RYR3: variants seen among roughly 807,000 people sequenced by gnomAD.
RYR3 encodes the protein ryanodine receptor 3.
RYR3 carries 207 observed loss-of-function variants against 584.3 expected under a neutral mutation model. That is an observed-to-expected ratio of 0.35 (90% confidence interval 0.32 to 0.40). RYR3 has a LOEUF of 0.40. RYR3 is among the 10% of genes least tolerant of loss of function. The pLI is 1.00. For missense variants in RYR3, 5,616 were observed against 6,089.2 expected (o/e 0.92, Z 2.59); for synonymous variants, 2,416 against 2,248.5 (o/e 1.07, Z -2.11).
intron 1 of RYR3, among the ~76,000 whole-genome samples, chr15:33,418,036 T>C (rs1204259482): frequency 6.6e-6 from 1 of 152,206 alleles, no homozygotes; most frequent in African/African-American, 2.4e-5. Flanking sequence ...CACTTGATCA[T>C]GGTGAATTTT....
At chr15:33,366,044 G>A (rs191326164) in intron 1 of RYR3, among the ~76,000 whole-genome samples, 207 of 152,218 alleles carry the variant, frequency 1.4e-3, no homozygotes, top group South Asian at 0.013. Flanking sequence ...TAAACTGAAC[G>A]ATATGAGAAT....
intron 2 of RYR3, among the ~76,000 whole-genome samples, chr15:33,484,181 G>GA (rs149161240): frequency 3.7e-4 from 54 of 144,356 alleles, no homozygotes; most frequent in East Asian, 1.2e-3. Flanking sequence ...ATGAAGAAGA[G>GA]AAAAAAAAAA....
chr15:33,589,140 A>G (rs559782810), intron 16 of RYR3, among the ~76,000 whole-genome samples: 1 of 152,136 alleles, frequency 6.6e-6, no homozygotes, highest in Non-Finnish European at 1.5e-5. Context: ...AATCTTTTCA[A>G]TAATGGCCAT....
At chr15:33,359,593 C>CTTAT (rs34142769) in intron 1 of RYR3, among the ~76,000 whole-genome samples, 32,776 of 144,818 alleles carry the variant, frequency 0.23, 4,027 homozygotes, top group Middle Eastern at 0.27. Flanking sequence ...TCCCTGACCC[C>CTTAT]TTATTTATTT....
intron 1 of RYR3, among the ~76,000 whole-genome samples, chr15:33,416,518 G>A (rs1054664747): frequency 3.5e-4 from 53 of 151,914 alleles, no homozygotes; most frequent in African/African-American, 1.0e-3. Flanking sequence ...TCTGTCCTTC[G>A]CTTACTTTTT....
intron 51 of RYR3, among the ~76,000 whole-genome samples, chr15:33,741,391 C>T (rs1008854904): frequency 1.3e-5 from 2 of 152,206 alleles, no homozygotes; most frequent in Admixed American, 1.3e-4. Context: ...GCCCTAGTTT[C>T]ACCCAACTCA....
chr15:33,749,831 A>G, intron 55 of RYR3, 148 bp from the exon 56 acceptor site: 2 of 647,438 alleles, frequency 3.1e-6, no homozygotes, highest in African/African-American at 1.8e-5. Context: ...ATAAGCACAC[A>G]CTAATTAATG....
intron 44 of RYR3, among the ~76,000 whole-genome samples, chr15:33,723,628 A>T (rs1047890268): frequency 1.4e-4 from 22 of 152,272 alleles, no homozygotes; most frequent in African/African-American, 5.3e-4. Context: ...GACCCTACAC[A>T]TACGCTTTCG....
intron 1 of RYR3, among the ~76,000 whole-genome samples, chr15:33,338,059 C>A (rs1240267326): frequency 6.7e-6 from 1 of 149,990 alleles, no homozygotes; most frequent in Admixed American, 6.7e-5. Context: ...ATTCTCTTGC[C>A]TCAGCCTCCC....
chr15:33,770,697 T>G (rs62012648), intron 62 of RYR3, among the ~76,000 whole-genome samples: 1 of 151,806 alleles, frequency 6.6e-6, no homozygotes, highest in African/African-American at 2.4e-5. Context: ...GAGAGGTCAC[T>G]GCACTCCAGC....
intron 99 of RYR3, 69 bp from the exon 100 acceptor site, chr15:33,859,506 T>G (rs1312339774): frequency 6.4e-7 from 1 of 1,558,142 alleles, no homozygotes; most frequent in African/African-American, 1.4e-5. Flanking sequence ...ATCATATGAA[T>G]GATCTGAGCA....
chr15:33,846,427 C>A (rs564147649), intron 93 of RYR3, among the ~76,000 whole-genome samples: 5 of 152,294 alleles, frequency 3.3e-5, no homozygotes, highest in Admixed American at 2.6e-4. Context: ...TTCTGTCATT[C>A]AATTTTTGGT....
chr15:33,543,678 A>G lies in RYR3; in HGVS notation c.703A>G (p.Thr235Ala), dbSNP rs760619857. ...TTTCCATGGTCATGATGAATGTTTGACGATACCATCTACAGACCAGAATGA... is the reference window on the plus strand; with the variant it reads ...TTTCCATGGTCATGATGAATGTTTGGCGATACCATCTACAGACCAGAATGA... ...RLFHGHDECL[T>A]IPSTDQNDSQ... is the part of the protein sequence containing the mutation. Residue 235 changes from threonine (T) to alanine (A), a missense_variant, in exon 8 of 104, where the codon ACG (threonine) becomes GCG (alanine). This residue lies in a region of RYR3 where 1,284 missense variants were observed against 1,344.6 expected (regional missense o/e 0.95). Coordinates refer to ENST00000634891, the MANE Select transcript of RYR3 (RefSeq NM_001036.6). 1.6e-5 allele frequency: 26 copies of G among 1,612,862 alleles called. No individual in the cohort carries two copies. Among genetic ancestry groups the G allele is most frequent in the Non-Finnish European group, 2.0e-5 (24 of 1,179,044 alleles).
At chr15:33,827,812 C>G (rs1419359648) in intron 85 of RYR3, among the ~76,000 whole-genome samples, 2 of 152,190 alleles carry the variant, frequency 1.3e-5, no homozygotes, top group Non-Finnish European at 2.9e-5. Flanking sequence ...GGTTTGTAAC[C>G]TAGAGCAATA....
chr15:33,433,517 T>C (rs1048746203), intron 1 of RYR3, among the ~76,000 whole-genome samples: 3 of 151,708 alleles, frequency 2.0e-5, no homozygotes, highest in Non-Finnish European at 2.9e-5. Flanking sequence ...AAAGGACAAT[T>C]AGGGAAGATA....
rs776764204 is a variant in RYR3, at chr15:33,503,634, A to G, written c.175A>G (p.Ile59Val). 9 of 1,595,408 alleles carry G rather than the reference A, an allele frequency of 5.6e-6. No homozygotes were observed. The highest frequency in any genetic ancestry group is 6.0e-6 in the Non-Finnish European group (7 of 1,164,770). Residue 59 changes from isoleucine to valine, a missense_variant, in exon 3 of 104, where the codon ATT (isoleucine) becomes GTT (valine). By Grantham distance (29) the Ile-to-Val change is conservative. Coordinates refer to ENST00000634891, the MANE Select transcript of RYR3 (RefSeq NM_001036.6). ...CATTCTGATTTTATTTCCACAGTACATTCCTCCAGATCTCTGCGTCTGCAA... is the reference window on the plus strand; with the variant it reads ...CATTCTGATTTTATTTCCACAGTACGTTCCTCCAGATCTCTGCGTCTGCAA... ...FLEPTSEAKY[I>V]PPDLCVCNFV... is the part of the protein sequence containing the mutation.
At chr15:33,413,663 G>T (rs2043570634) in intron 1 of RYR3, among the ~76,000 whole-genome samples, 1 of 152,208 alleles carries the variant, frequency 6.6e-6, no homozygotes, top group South Asian at 2.1e-4. Context: ...TCTGCACTGA[G>T]GTCCTTACCC....
chr15:33,854,744 G>C, intron 97 of RYR3, 22 bp from the exon 98 acceptor site: 1 of 1,583,840 alleles, frequency 6.3e-7, no homozygotes, highest in African/African-American at 1.4e-5. Context: ...ATGCTTAAAA[G>C]TCTGCTTTCT....
chr15:33,839,712 A>C (rs1308620940), intron 89 of RYR3: 1 of 152,246 alleles, frequency 6.6e-6, no homozygotes, highest in African/African-American at 2.4e-5. Context: ...CACTGTCCCT[A>C]CAGCTTAGTG....
Sources: allele counts gnomAD v4.1 joint callset (sites outside exome capture counted in the v4.1 genomes callset), GRCh38; gene constraint gnomAD v4.1.1; regional missense constraint gnomAD v4.1.1; transcripts MANE v1.5; gene names NCBI Gene and HGNC (gene_info 2026-07-23, HGNC 2026-07-21).